The following IQCH variants were observed in gnomAD, a reference collection of about 807,000 sequenced individuals.
IQCH encodes the protein IQ motif containing H, also known as IQ domain-containing protein H.
IQCH carries 98 observed loss-of-function variants against 117.0 expected under a neutral mutation model. The observed-to-expected ratio is 0.84, with a 90% confidence interval of 0.71 to 0.99. The LOEUF is 0.99. IQCH is among the 50% of genes least tolerant of loss of function. The pLI is 0.00. For missense variants in IQCH, 1,102 were observed against 1,243.8 expected (o/e 0.89, Z 1.72); for synonymous variants, 412 against 448.2 (o/e 0.92, Z 1.02).
chr15:67,490,452 C>G lies in IQCH; in HGVS notation c.2861+388C>G, dbSNP rs1455733536. On this transcript the variant is annotated intron_variant, in intron 19 of 20. Coordinates refer to ENST00000335894, the MANE Select transcript of IQCH (RefSeq NM_001031715.3). This position sits in a 1 kb window ranked among gnomAD's most constrained non-coding sequence, Gnocchi z 4.9. The stretch of plus-strand genomic sequence containing the variant: ...ATCTCTTGACCTCGTGATGCACCCA[C>G]CTGGGCCTCTCAAAGTGCTGGGATT... 2.0e-5 allele frequency among the ~76,000 whole-genome samples: 3 copies of G among 152,150 alleles called. No homozygotes were observed. Among genetic ancestry groups the G allele is most frequent in the East Asian group, 3.9e-4 (2 of 5,190 alleles).
intron 18 of IQCH, among the ~76,000 whole-genome samples, chr15:67,485,744 C>T (rs1217838669): frequency 2.6e-5 from 4 of 152,126 alleles, no homozygotes; most frequent in East Asian, 1.9e-4. Flanking sequence ...CTGCAACCTC[C>T]GCCTTCCGGG....
At chr15:67,400,629 C>T (rs1259040031) in intron 14 of IQCH, among the ~76,000 whole-genome samples, 1 of 151,388 alleles carries the variant, frequency 6.6e-6, no homozygotes, top group East Asian at 1.9e-4. Flanking sequence ...GGACTACAGG[C>T]ATGCGCCACC....
At chr15:67,295,912 T>C (rs1357820052) in intron 4 of IQCH, among the ~76,000 whole-genome samples, 1 of 152,186 alleles carries the variant, frequency 6.6e-6, no homozygotes, top group Non-Finnish European at 1.5e-5. Context: ...TAGCTCAGTT[T>C]CATCACTCTG....
At position 67,472,232 on chromosome 15, in the gene IQCH, A is replaced by C. The variant is rs2083087898; in HGVS notation, c.2677-3464A>C. On this transcript the variant is annotated intron_variant, in intron 17 of 20. Coordinates refer to ENST00000335894, the MANE Select transcript of IQCH (RefSeq NM_001031715.3). The surrounding 1 kb of genome is among the most constrained non-coding windows in gnomAD (Gnocchi z 4.3). ...TCCCCTAGCAGATGGGACAGAGTCC[A>C]AAGAAACCTGTGGTCTGCTAGGAAA... Among the ~76,000 whole-genome samples the C allele has an allele frequency of 6.6e-6, 1 of 152,204 alleles. No individual in the cohort carries two copies. The highest frequency in any genetic ancestry group is 2.1e-4 in the South Asian group (1 of 4,828).
At chr15:67,317,482 A>G (rs966726880) in intron 4 of IQCH, among the ~76,000 whole-genome samples, 10 of 152,140 alleles carry the variant, frequency 6.6e-5, no homozygotes, top group African/African-American at 2.4e-4. Context: ...TGGTATTACA[A>G]GTGTGACCAT....
At chr15:67,264,892 T>C (rs1222522868) in intron 3 of IQCH, among the ~76,000 whole-genome samples, 2 of 142,308 alleles carry the variant, frequency 1.4e-5, no homozygotes, top group South Asian at 2.4e-4. Flanking sequence ...TCCCCTACCA[T>C]ATGTATATAT....
intron 1 of IQCH, among the ~76,000 whole-genome samples, chr15:67,259,924 A>G (rs1371994260): frequency 6.6e-6 from 1 of 152,244 alleles, no homozygotes; most frequent in East Asian, 1.9e-4. Flanking sequence ...ATTTGTGAAG[A>G]GTACAAATGA....
rs1422676988 is a variant in IQCH at position 67,436,854 on chromosome 15, AC to A, written c.2505+15279del. Among the ~76,000 whole-genome samples the A allele has an allele frequency of 6.6e-6, 1 of 152,000 alleles. No individual in the cohort carries two copies. Among genetic ancestry groups the A allele is most frequent in the Non-Finnish European group, 1.5e-5 (1 of 67,996 alleles). ...TCCTCCTAGGTACACAACTCCAGTG[AC>A]CTGGGAACCTCACCCTCATCCCCCA... On this transcript the variant is annotated intron_variant, in intron 16 of 20. Coordinates refer to ENST00000335894, the MANE Select transcript of IQCH (RefSeq NM_001031715.3). The surrounding 1 kb of genome is among the most constrained non-coding windows in gnomAD (Gnocchi z 5.1).
rs1006473223 is a variant in IQCH at position 67,490,843 on chromosome 15, G to T, written c.2861+779G>T. ...CGCATGCACTGAGCACAGGCTGCTG[G>T]CAACACTCGGAGGCTTCCGCACTTC... On this transcript the variant is annotated intron_variant, in intron 19 of 20. Transcript: ENST00000335894. The surrounding 1 kb of genome is among the most constrained non-coding windows in gnomAD (Gnocchi z 4.9). Among the ~76,000 whole-genome samples, 2 of 152,220 alleles carry T rather than the reference G, an allele frequency of 1.3e-5. No homozygotes were observed. The highest frequency in any genetic ancestry group is 2.9e-5 in the Non-Finnish European group (2 of 68,042).
intron 4 of IQCH, among the ~76,000 whole-genome samples, chr15:67,283,173 A>T (rs1478405526): frequency 6.6e-6 from 1 of 152,222 alleles, no homozygotes; most frequent in Non-Finnish European, 1.5e-5. Flanking sequence ...TGTGACAAAC[A>T]TAATATGAAG....
At chr15:67,400,441 C>T (rs541676659) in intron 14 of IQCH, 136 bp downstream of exon 14, 3 of 586,174 alleles carry the variant, frequency 5.1e-6, no homozygotes, top group Non-Finnish European at 9.2e-6. Flanking sequence ...TTTCTTGGGA[C>T]CTTTTTCCTT....
rs1965912481 is a variant in IQCH, at chr15:67,271,892, G to T, written c.270-7503G>T. Among the ~76,000 whole-genome samples, 3 of 151,794 alleles carry T rather than the reference G, an allele frequency of 2.0e-5. No homozygotes were observed. In the South Asian group the frequency reaches 6.3e-4, roughly 32 times the overall value. On this transcript the variant is annotated intron_variant, in intron 3 of 20. Transcript: ENST00000335894. ...CACCTTTTAATTTTGTTGATCTTCT[G>T]TATGTTTTTGTCTCAATTTCATTTA...
In IQCH at chr15:67,424,607, A is replaced by C. The variant is rs996610858; in HGVS notation, c.2505+3030A>C. 5.3e-5 allele frequency among the ~76,000 whole-genome samples: 8 copies of C among 152,194 alleles called. No individual in the cohort carries two copies. Among genetic ancestry groups the C allele is most frequent in the African/African-American group, 1.9e-4 (8 of 41,464 alleles). On this transcript the variant is annotated intron_variant, in intron 16 of 20. Coordinates refer to ENST00000335894, the MANE Select transcript of IQCH (RefSeq NM_001031715.3). This position sits in a 1 kb window ranked among gnomAD's most constrained non-coding sequence, Gnocchi z 4.9. Reference sequence around the variant, plus strand: ...ATATTTGTTGACTGAATGAATGAACAATGGAGGAGTTCTAGCAGATGCTGG... The same window carrying C: ...ATATTTGTTGACTGAATGAATGAACCATGGAGGAGTTCTAGCAGATGCTGG...
At chr15:67,371,613 C>T in intron 8 of IQCH, 1 of 833,580 alleles carries the variant, frequency 1.2e-6, no homozygotes, top group South Asian at 1.8e-5. Flanking sequence ...CTATAAAATG[C>T]TAAAAAGTGA....
chr15:67,381,269 A>G lies in IQCH; in HGVS notation c.1373-3667A>G, dbSNP rs1335100189. Among the ~76,000 whole-genome samples the G allele has an allele frequency of 6.6e-6, 1 of 152,222 alleles. No individual in the cohort carries two copies. The highest frequency in any genetic ancestry group is 1.5e-5 in the Non-Finnish European group (1 of 68,038). ...GCTGTGAAGGTAGAAGTGAAGATGG[A>G]GAAATGATTGCCAGTAACCCTTGAT... On this transcript the variant is annotated intron_variant, in intron 10 of 20. Transcript: ENST00000335894. The surrounding 1 kb of genome is among the most constrained non-coding windows in gnomAD (Gnocchi z 5.1).
chr15:67,320,383 C>T (rs183356386), intron 4 of IQCH, among the ~76,000 whole-genome samples: 324 of 151,736 alleles, frequency 2.1e-3, no homozygotes, highest in Non-Finnish European at 4.0e-3. Context: ...TTAACTGAAA[C>T]GACTACCATT....
rs1449549209 is a variant in IQCH, at chr15:67,454,982, G to C, written c.2506-10145G>C. Among the ~76,000 whole-genome samples, 1 of 152,196 alleles carries C rather than the reference G, an allele frequency of 6.6e-6. No individual in the cohort carries two copies. The highest frequency in any genetic ancestry group is 2.4e-5 in the African/African-American group (1 of 41,446). The stretch of plus-strand genomic sequence containing the variant: ...TTTAACTTTTTTAGGAACTGTCAAA[G>C]TGTTTTCCAAAGCAGCTGTACCATT... On this transcript the variant is annotated intron_variant, in intron 16 of 20. Coordinates refer to ENST00000335894, the MANE Select transcript of IQCH (RefSeq NM_001031715.3). The surrounding 1 kb of genome is among the most constrained non-coding windows in gnomAD (Gnocchi z 5.2).
rs748446813 is a variant in IQCH at position 67,281,742 on chromosome 15, G to A, written c.387+2230G>A. 32 of 454,478 alleles carry A rather than the reference G, an allele frequency of 7.0e-5. 1 individual carries two copies. The highest frequency in any genetic ancestry group is 5.0e-4 in the South Asian group (32 of 64,494). The allele number at this position is 454,478 out of a possible 1,614,324, so 28.2% of individuals were successfully genotyped here. A position where few individuals can be genotyped will look rare whatever the true frequency, so the allele number is the denominator to read the frequency against. The stretch of plus-strand genomic sequence containing the variant: ...GACCACTTCTGTTTGCTGGCCCTGT[G>A]GCAACTATTTCAAAATATGTCAAAG... On this transcript the variant is annotated intron_variant, in intron 4 of 20. Transcript: ENST00000335894.
chr15:67,494,373 T>A lies in IQCH; in HGVS notation c.2970+7T>A, dbSNP rs777168143. The A allele has an allele frequency of 1.3e-6, 2 of 1,583,262 alleles. No individual in the cohort carries two copies. Among genetic ancestry groups the A allele is most frequent in the South Asian group, 2.3e-5 (2 of 88,822 alleles). The stretch of plus-strand genomic sequence containing the variant: ...AGGCGAGACCAATTTTAAGGTGAGG[T>A]GTTAATTAACTAACGATTCTGGTTA... On this transcript the variant is annotated splice_region_variant and intron_variant, in intron 20 of 20. Transcript: ENST00000335894. This position sits in a 1 kb window ranked among gnomAD's most constrained non-coding sequence, Gnocchi z 5.5.
Sources: allele counts gnomAD v4.1 joint callset (sites outside exome capture counted in the v4.1 genomes callset), GRCh38; gene constraint gnomAD v4.1.1; non-coding constraint Gnocchi (gnomAD v3.1); transcripts MANE v1.5; gene names NCBI Gene and HGNC (gene_info 2026-07-23, HGNC 2026-07-21).